The following NCAM2 variants were observed in gnomAD, a reference collection of about 807,000 sequenced individuals.
NCAM2 encodes N-CAM-2.
A neutral mutation model predicts 98.1 loss-of-function variants in NCAM2; 30 were observed. That is an observed-to-expected ratio of 0.31 (90% confidence interval 0.23 to 0.41). NCAM2 has a LOEUF of 0.41. Among genes scored for constraint, NCAM2 ranks in the 10% least tolerant of loss-of-function variants. NCAM2 has a pLI of 1.00. For synonymous variants in NCAM2, 368 were observed against 342.4 expected, an observed-to-expected ratio of 1.07 and a Z score of -0.83; for missense variants, 867 against 1,005.8, an observed-to-expected ratio of 0.86 and a Z score of 1.87.
intron 9 of NCAM2, among the ~76,000 whole-genome samples, chr21:21,396,354 C>G (rs571709447): frequency 6.6e-6 from 1 of 152,184 alleles, no homozygotes; most frequent in African/African-American, 2.4e-5. Context: ...AATAAAAATA[C>G]AATAGTGTTA....
intron 1 of NCAM2, among the ~76,000 whole-genome samples, chr21:21,243,806 AG>A (rs1302747246): frequency 6.6e-6 from 1 of 152,190 alleles, no homozygotes; most frequent in Non-Finnish European, 1.5e-5. Context: ...GAATAGATAG[AG>A]GGTTGTATCG....
chr21:21,143,954 T>G (rs1038118190), intron 1 of NCAM2, among the ~76,000 whole-genome samples: 1 of 152,132 alleles, frequency 6.6e-6, no homozygotes, highest in Non-Finnish European at 1.5e-5. Flanking sequence ...AAACTCAATG[T>G]GTTATTTGTT....
At chr21:21,190,114 GGAA>G (rs2068771458) in intron 1 of NCAM2, among the ~76,000 whole-genome samples, 1 of 152,170 alleles carries the variant, frequency 6.6e-6, no homozygotes, top group African/African-American at 2.4e-5. Context: ...CATTCACTGG[GGAA>G]GAAGGGACTT....
chr21:21,431,153 A>T (rs1009315552), intron 11 of NCAM2, among the ~76,000 whole-genome samples: 1 of 92,470 alleles, frequency 1.1e-5, no homozygotes, highest in Non-Finnish European at 2.5e-5. Context: ...GTGTATACAT[A>T]TATATATATT....
intron 8 of NCAM2, among the ~76,000 whole-genome samples, chr21:21,365,404 G>C (rs1457701390): frequency 2.6e-5 from 4 of 151,710 alleles, no homozygotes; most frequent in Admixed American, 2.6e-4. Context: ...AACCTCAAAG[G>C]AATAAAATTG....
Position 21,410,306 on chromosome 21 carries a change from T to G in NCAM2, c.1228T>G (p.Tyr410Asp). 1 of 1,582,592 alleles carries G rather than the reference T, an allele frequency of 6.3e-7. No individual in the cohort carries two copies. Among genetic ancestry groups the G allele is most frequent in the Non-Finnish European group, 8.6e-7 (1 of 1,164,384 alleles). ...APKFISNQTI[Y>D]YSWEGNPINI... ...CAAGTTTATATCAAACCAAACAATT[T>G]ATTACTCTTGGGAAGGAAATCCTAT... Residue 410 changes from tyrosine to aspartate, a missense_variant, in exon 10 of 18, where the codon TAT (tyrosine) becomes GAT (aspartate). Tyr to Asp is a radical substitution (Grantham distance 160). Transcript: ENST00000400546.
intron 7 of NCAM2, among the ~76,000 whole-genome samples, chr21:21,337,759 A>G (rs2074913152): frequency 6.6e-6 from 1 of 151,998 alleles, no homozygotes; most frequent in Non-Finnish European, 1.5e-5. Flanking sequence ...AAAATTAGTT[A>G]CGTTGTCTAG....
At chr21:21,507,368 AT>A (rs1250384070) in intron 15 of NCAM2, among the ~76,000 whole-genome samples, 1 of 152,028 alleles carries the variant, frequency 6.6e-6, no homozygotes. Context: ...TTATATACAT[AT>A]TTTTTCAGGA....
chr21:21,354,413 T>C (rs565611081), intron 8 of NCAM2, among the ~76,000 whole-genome samples: 2 of 152,334 alleles, frequency 1.3e-5, no homozygotes, highest in Admixed American at 1.3e-4. Flanking sequence ...AATTGAATTG[T>C]TTTTATTTAT....
intron 1 of NCAM2, among the ~76,000 whole-genome samples, chr21:21,054,151 C>T (rs778061307): frequency 9.9e-5 from 15 of 151,876 alleles, no homozygotes; most frequent in African/African-American, 1.7e-4. Context: ...TGTGCCTACC[C>T]AGTCAACAGT....
At position 21,377,270 on chromosome 21, in the gene NCAM2, A is replaced by T. The variant is rs75246589; in HGVS notation, c.1195+3257A>T. The stretch of plus-strand genomic sequence containing the variant: ...ATACACCACTAAATCTATAATAATC[A>T]TCAAGATAAACATTTACATCACCCT... On this transcript the variant is annotated intron_variant, in intron 9 of 17. Transcript: ENST00000400546. 2.7e-3 allele frequency among the ~76,000 whole-genome samples: 412 copies of T among 151,944 alleles called. 4 individuals carry two copies. The East Asian group carries it at 0.027, about 10-fold the overall frequency.
intron 12 of NCAM2, among the ~76,000 whole-genome samples, chr21:21,444,268 C>T (rs1423221454): frequency 1.3e-5 from 2 of 152,184 alleles, no homozygotes; most frequent in Admixed American, 6.5e-5. Flanking sequence ...TACCGATGTT[C>T]ATCAGGGATA....
At chr21:21,398,056 AGT>A (rs1207389246) in intron 9 of NCAM2, among the ~76,000 whole-genome samples, 1 of 152,240 alleles carries the variant, frequency 6.6e-6, no homozygotes, top group Non-Finnish European at 1.5e-5. Flanking sequence ...AAGAAAATGT[AGT>A]GTGTGCGTGA....
chr21:21,347,914 C>A (rs1181191416), intron 8 of NCAM2, among the ~76,000 whole-genome samples: 1 of 151,904 alleles, frequency 6.6e-6, no homozygotes, highest in Non-Finnish European at 1.5e-5. Context: ...ATTTAACATC[C>A]ATTCATGATA....
At chr21:20,999,272 C>G (rs1378093936) in intron 1 of NCAM2, among the ~76,000 whole-genome samples, 1 of 151,726 alleles carries the variant, frequency 6.6e-6, no homozygotes, top group African/African-American at 2.4e-5. Context: ...AAGGTGGAAT[C>G]ATTTTATAAC....
chr21:21,472,164 C>T (rs1984521246), intron 14 of NCAM2, among the ~76,000 whole-genome samples: 1 of 151,868 alleles, frequency 6.6e-6, no homozygotes, highest in Non-Finnish European at 1.5e-5. Flanking sequence ...ATAACTATCA[C>T]TTAGTGTTGG....
intron 9 of NCAM2, among the ~76,000 whole-genome samples, chr21:21,378,937 CTGGACTTTTACA>C (rs200464987): frequency 0.035 from 5,292 of 152,082 alleles, 129 homozygotes; most frequent in Middle Eastern, 0.068. Context: ...ATTTATCAAA[CTGGACTTTTACA>C]TGTTATACGG....
chr21:21,361,369 A>G (rs540591628), intron 8 of NCAM2, among the ~76,000 whole-genome samples: 43 of 152,110 alleles, frequency 2.8e-4, no homozygotes, highest in African/African-American at 1.0e-3. Context: ...CTTACCAATA[A>G]CCTTCACTTT....
chr21:21,091,260 C>G (rs970375577), intron 1 of NCAM2, among the ~76,000 whole-genome samples: 2 of 152,074 alleles, frequency 1.3e-5, no homozygotes, highest in South Asian at 2.1e-4. Context: ...TTATATAGTT[C>G]TGCTGTAGCT....
Sources: gnomAD v4.1 joint callset for allele counts (sites outside exome capture counted in the v4.1 genomes callset) on GRCh38, gnomAD v4.1.1 for gene constraint, MANE v1.5 for transcripts, NCBI Gene and HGNC (gene_info 2026-07-23, HGNC 2026-07-21) for gene names.